CTTNBP2: variants seen among roughly 807,000 people sequenced by gnomAD.
CTTNBP2 encodes the protein cortactin-binding protein 2.
CTTNBP2 carries 108 observed loss-of-function variants against 156.9 expected under a neutral mutation model. The observed-to-expected ratio is 0.69, with a 90% CI of 0.59 to 0.81. The LOEUF is 0.81. CTTNBP2 is among the 30% of genes least tolerant of loss of function. The pLI is 0.00. For missense variants in CTTNBP2, 1,924 were observed against 2,035.4 expected, an observed-to-expected ratio of 0.95 and a Z score of 1.05; for synonymous variants, 767 against 751.8, an observed-to-expected ratio of 1.02 and a Z score of -0.33.
At chr7:117,776,807 T>C (rs1474847189) in intron 8 of CTTNBP2, among the ~76,000 whole-genome samples, 1 of 152,232 alleles carries the variant, frequency 6.6e-6, no homozygotes, top group African/African-American at 2.4e-5. Flanking sequence ...GTGCTTTTCT[T>C]ATCCTACATT....
intron 2 of CTTNBP2, among the ~76,000 whole-genome samples, chr7:117,860,443 C>T (rs1273571335): frequency 1.3e-5 from 2 of 151,732 alleles, no homozygotes; most frequent in East Asian, 1.9e-4. Context: ...CCCGAGTTCA[C>T]GCCATTCTCC....
Position 117,792,309 on chromosome 7 carries a change from C to A in CTTNBP2, c.887G>T (p.Gly296Val). 6.2e-7 allele frequency: 1 copy of A among 1,614,184 alleles called. No homozygotes were observed. The highest frequency in any genetic ancestry group is 8.5e-7 in the Non-Finnish European group (1 of 1,180,014). The change falls in exon 4 of 23, where the codon GGA becomes GTA. Residue 296 changes from glycine (G) to valine (V), a missense_variant. By Grantham distance (109) the Gly-to-Val change is moderately radical. Coordinates refer to ENST00000160373, the MANE Select transcript of CTTNBP2 (RefSeq NM_033427.3). The surrounding 1 kb of genome is among the most constrained non-coding windows in gnomAD (Gnocchi z 4.2). ...KDRRLVSISVGTEGTVTRSVA... is the reference protein window; with the variant it reads ...KDRRLVSISVVTEGTVTRSVA... ...AGACCTTGTCACAGTTCCTTCTGTTCCCACAGATATGGAAACCAAACGCCT... is the reference window on the plus strand; with the variant it reads ...AGACCTTGTCACAGTTCCTTCTGTTACCACAGATATGGAAACCAAACGCCT...
At chr7:117,859,578 G>C (rs537039881) in intron 2 of CTTNBP2, among the ~76,000 whole-genome samples, 1 of 152,092 alleles carries the variant, frequency 6.6e-6, no homozygotes, top group Non-Finnish European at 1.5e-5. Flanking sequence ...ACTGGCCTTC[G>C]CAGCTGACTG....
At chr7:117,731,579 T>C (rs910984211) in intron 16 of CTTNBP2, among the ~76,000 whole-genome samples, 2 of 152,220 alleles carry the variant, frequency 1.3e-5, no homozygotes, top group Admixed American at 6.5e-5. Context: ...GATGCACTTA[T>C]CACACTGTGT....
intron 2 of CTTNBP2, among the ~76,000 whole-genome samples, chr7:117,859,027 A>G (rs757984402): frequency 6.6e-6 from 1 of 152,194 alleles, no homozygotes; most frequent in Non-Finnish European, 1.5e-5. Context: ...CAGTACAGTC[A>G]TGTCTGAGCA....
At chr7:117,757,324 G>A (rs1384271102) in intron 11 of CTTNBP2, among the ~76,000 whole-genome samples, 1 of 151,962 alleles carries the variant, frequency 6.6e-6, no homozygotes, top group Admixed American at 6.6e-5. Context: ...ATGACCTTAG[G>A]CAAGAATATC....
intron 3 of CTTNBP2, among the ~76,000 whole-genome samples, chr7:117,798,828 T>C (rs1584442651): frequency 6.6e-6 from 1 of 151,786 alleles, no homozygotes; most frequent in South Asian, 2.1e-4. Context: ...GAAAACCAGA[T>C]TTAGAAATAG....
chr7:117,777,275 CTCA>C (rs1798154325), intron 8 of CTTNBP2, among the ~76,000 whole-genome samples: 1 of 152,174 alleles, frequency 6.6e-6, no homozygotes, highest in Admixed American at 6.5e-5. Flanking sequence ...TGAAATTGCC[CTCA>C]TATTTCTTAT....
chr7:117,752,077 G>C (rs1314102287), intron 12 of CTTNBP2, among the ~76,000 whole-genome samples: 2 of 152,134 alleles, frequency 1.3e-5, no homozygotes, highest in African/African-American at 4.8e-5. Flanking sequence ...AGGGTTGTGG[G>C]ATGTCTTAGA....
At chr7:117,852,122 T>C (rs946839250) in intron 2 of CTTNBP2, among the ~76,000 whole-genome samples, 3 of 152,246 alleles carry the variant, frequency 2.0e-5, no homozygotes, top group Middle Eastern at 3.4e-3. Context: ...GCCTCTATCA[T>C]GACCCTGGCT....
At chr7:117,829,171 C>T (rs528905112) in intron 2 of CTTNBP2, among the ~76,000 whole-genome samples, 1 of 152,316 alleles carries the variant, frequency 6.6e-6, no homozygotes, top group South Asian at 2.1e-4. Flanking sequence ...GTGTAGGTGG[C>T]ACATAACAGC....
intron 19 of CTTNBP2, among the ~76,000 whole-genome samples, chr7:117,722,194 T>C (rs1794828362): frequency 6.6e-6 from 1 of 151,980 alleles, no homozygotes; most frequent in African/African-American, 2.4e-5. Flanking sequence ...AGAAATGGGC[T>C]GTCTCTTTAT....
At chr7:117,807,781 G>A (rs921507342) in intron 3 of CTTNBP2, among the ~76,000 whole-genome samples, 1 of 152,200 alleles carries the variant, frequency 6.6e-6, no homozygotes, top group Non-Finnish European at 1.5e-5. Context: ...CTCATCAGCA[G>A]AAGCATCTCC....
intron 12 of CTTNBP2, among the ~76,000 whole-genome samples, chr7:117,753,757 G>A (rs1228123338): frequency 7.0e-6 from 1 of 143,706 alleles, no homozygotes; most frequent in Non-Finnish European, 1.6e-5. Context: ...ACTGGGGCCT[G>A]TCACAGTGGG....
chr7:117,832,696 C>T (rs1448212641), intron 2 of CTTNBP2, among the ~76,000 whole-genome samples: 1 of 149,194 alleles, frequency 6.7e-6, no homozygotes, highest in Non-Finnish European at 1.5e-5. Flanking sequence ...TTAGAGACAG[C>T]AAATGACTAC....
intron 14 of CTTNBP2, among the ~76,000 whole-genome samples, chr7:117,737,085 A>C (rs1371406866): frequency 6.6e-6 from 1 of 152,142 alleles, no homozygotes; most frequent in Non-Finnish European, 1.5e-5. Flanking sequence ...AGAAACAATC[A>C]CAGCCACCTC....
At chr7:117,733,577 C>T (rs1795519004) in intron 16 of CTTNBP2, among the ~76,000 whole-genome samples, 1 of 152,168 alleles carries the variant, frequency 6.6e-6, no homozygotes, top group African/African-American at 2.4e-5. Flanking sequence ...CTTTACCTCA[C>T]CATTCGTCCT....
At position 117,838,967 on chromosome 7, in the gene CTTNBP2, C is replaced by CGGGG. The variant is rs67694603; in HGVS notation, c.189+22238_189+22241dup. ...ATAATGTATAGTAACATTGCGGGGG[C>CGGGG]GGGGGGGGGGCTTTTAAAAAAAATC... On this transcript the variant is annotated intron_variant, in intron 2 of 22. Transcript: ENST00000160373. Among the ~76,000 whole-genome samples, 338 of 94,924 alleles carry CGGGG rather than the reference C, an allele frequency of 3.6e-3. 4 individuals carry two copies. Among genetic ancestry groups the CGGGG allele is most frequent in the African/African-American group, 0.013 (315 of 24,696 alleles). 62.3% of individuals were successfully genotyped at this position (94,924 alleles called of 152,430 possible).
chr7:117,743,122 G>T (rs12111635), intron 14 of CTTNBP2, among the ~76,000 whole-genome samples: 15,093 of 152,244 alleles, frequency 0.099, 1,111 homozygotes, highest in African/African-American at 0.2. Context: ...TTAAGAAGAT[G>T]CCCACCATAG....
Sources: gnomAD v4.1 joint callset for allele counts (sites outside exome capture counted in the v4.1 genomes callset) on GRCh38, gnomAD v4.1.1 for gene constraint, Gnocchi (gnomAD v3.1) non-coding constraint, MANE v1.5 for transcripts, NCBI Gene and HGNC (gene_info 2026-07-23, HGNC 2026-07-21) for gene names.